The following ABHD6 variants were observed in gnomAD, a reference collection of about 807,000 sequenced individuals.
The protein encoded by ABHD6 is monoacylglycerol lipase ABHD6.
Under a neutral mutation model 38.8 loss-of-function variants are expected in ABHD6, and 33 were observed. That is an observed-to-expected ratio of 0.85 (90% CI 0.64 to 1.14). ABHD6 has a LOEUF of 1.14. ABHD6 is among the 50% of genes most tolerant of loss of function. The pLI is 0.00. For synonymous variants in ABHD6, 147 were observed against 161.6 expected (o/e 0.91, Z 0.69); for missense variants, 380 against 422.6 (o/e 0.90, Z 0.88).
chr3:58,274,729 AAGATT>A lies in ABHD6; in HGVS notation c.596_600del (p.Lys199ThrfsTer12). On this transcript the variant is annotated frameshift_variant, in exon 7 of 10. Transcript: ENST00000478253. LOFTEE classifies it high-confidence loss of function. Reference sequence around the variant, plus strand: ...ACTGCAGGGCTCTGCCGCCGTGGAGAAGATTCCCTTGATCCCGTCTACCCCAGAAG... The same window carrying A: ...ACTGCAGGGCTCTGCCGCCGTGGAGACCCTTGATCCCGTCTACCCCAGAAG... 6.2e-7 allele frequency: 1 copy of A among 1,614,204 alleles called. No individual in the cohort carries two copies. The highest frequency in any genetic ancestry group is 8.5e-7 in the Non-Finnish European group (1 of 1,180,038).
intron 7 of ABHD6, among the ~76,000 whole-genome samples, chr3:58,281,012 C>T (rs1271738452): frequency 6.6e-6 from 1 of 152,128 alleles, no homozygotes; most frequent in African/African-American, 2.4e-5. Flanking sequence ...GTCAATCAGC[C>T]CCTACTGGGA....
rs1277827269 is a variant in ABHD6 at position 58,293,262 on chromosome 3, T to G, written c.838-327T>G. On this transcript the variant is annotated intron_variant, in intron 9 of 9. Transcript: ENST00000478253. The surrounding 1 kb of genome is among the most constrained non-coding windows in gnomAD (Gnocchi z 4.4). ...TCTCCCGGGACTCAGGAACGAGGTC[T>G]TCCCTCGACCCTGCTCATCCCCTGT... 6.6e-6 allele frequency among the ~76,000 whole-genome samples: 1 copy of G among 152,174 alleles called. No individual in the cohort carries two copies. Among genetic ancestry groups the G allele is most frequent in the Admixed American group, 6.5e-5 (1 of 15,274 alleles).
chr3:58,283,165 C>G (rs1183029473), intron 7 of ABHD6, among the ~76,000 whole-genome samples: 2 of 152,192 alleles, frequency 1.3e-5, no homozygotes, highest in Non-Finnish European at 2.9e-5. Flanking sequence ...AGGAAACACC[C>G]AGAATCTGAT....
At chr3:58,292,256 G>A (rs1442563078) in intron 9 of ABHD6, among the ~76,000 whole-genome samples, 1 of 152,170 alleles carries the variant, frequency 6.6e-6, no homozygotes, top group East Asian at 1.9e-4. Flanking sequence ...AGAAAATCTT[G>A]GTTTTAATAA....
At chr3:58,280,051 C>A (rs1477852391) in intron 7 of ABHD6, among the ~76,000 whole-genome samples, 1 of 152,194 alleles carries the variant, frequency 6.6e-6, no homozygotes, top group Admixed American at 6.5e-5. Flanking sequence ...CTTGCTGAAT[C>A]TGACAATTAT....
chr3:58,283,524 T>C (rs570991377), intron 7 of ABHD6, among the ~76,000 whole-genome samples: 5 of 152,244 alleles, frequency 3.3e-5, no homozygotes, highest in East Asian at 1.9e-4. Flanking sequence ...ATTGGATGGA[T>C]TGATGGATGA....
chr3:58,257,245 C>G lies in ABHD6; in HGVS notation c.119+540C>G, dbSNP rs3821565. 1.1e-4 allele frequency among the ~76,000 whole-genome samples: 16 copies of G among 152,154 alleles called. No homozygotes were observed. In the East Asian group the frequency reaches 3.1e-3, roughly 29 times the overall value. ...GATAGCATCTTTCTCCACCCACATT[C>G]CCAAAGTCAGTGATTCTGTCTTCAA... On this transcript the variant is annotated intron_variant, in intron 3 of 9. Coordinates refer to ENST00000478253, the MANE Select transcript of ABHD6 (RefSeq NM_001320126.2). The surrounding 1 kb of genome is among the most constrained non-coding windows in gnomAD (Gnocchi z 4.8).
Position 58,269,474 on chromosome 3 carries a change from C to T in ABHD6, c.390+40C>T, listed in dbSNP as rs1221209743. 2 of 1,487,244 alleles carry T rather than the reference C, an allele frequency of 1.3e-6. No homozygotes were observed. Among genetic ancestry groups the T allele is most frequent in the Non-Finnish European group, 1.9e-6 (2 of 1,069,234 alleles). 92.1% of individuals were successfully genotyped at this position (1,487,244 alleles called of 1,614,324 possible). A position where few individuals can be genotyped will look rare whatever the true frequency, so the allele number is the denominator to read the frequency against. The stretch of plus-strand genomic sequence containing the variant: ...CTACCAAAGATTGCCCAGACTGTCT[C>T]AGCCACCATTACATGTCTGAGTCTG... On this transcript the variant is annotated intron_variant, in intron 5 of 9. Coordinates refer to ENST00000478253, the MANE Select transcript of ABHD6 (RefSeq NM_001320126.2). The surrounding 1 kb of genome is among the most constrained non-coding windows in gnomAD (Gnocchi z 4.4).
At chr3:58,249,628 A>G (rs556837977) in intron 1 of ABHD6, among the ~76,000 whole-genome samples, 9 of 152,294 alleles carry the variant, frequency 5.9e-5, no homozygotes, top group South Asian at 2.1e-4. Context: ...ACCTCTGTCA[A>G]TTCTTCCTAG....
chr3:58,264,644 T>C (rs1249647817), intron 3 of ABHD6, among the ~76,000 whole-genome samples: 2 of 152,088 alleles, frequency 1.3e-5, no homozygotes, highest in East Asian at 3.9e-4. Flanking sequence ...TGAACCGTGA[T>C]TGTGTCACTG....
intron 9 of ABHD6, among the ~76,000 whole-genome samples, chr3:58,288,385 A>G (rs1041952025): frequency 2.0e-5 from 3 of 152,204 alleles, no homozygotes; most frequent in African/African-American, 7.2e-5. Flanking sequence ...ACACCCAAAC[A>G]TGGCAGCCCT....
chr3:58,264,702 C>T (rs958703803), intron 3 of ABHD6, among the ~76,000 whole-genome samples: 1 of 151,872 alleles, frequency 6.6e-6, no homozygotes, highest in Non-Finnish European at 1.5e-5. Context: ...ACAAAAAACC[C>T]CACCACTTTT....
At chr3:58,288,602 A>G (rs1254783375) in intron 9 of ABHD6, among the ~76,000 whole-genome samples, 1 of 81,364 alleles carries the variant, frequency 1.2e-5, no homozygotes, top group Non-Finnish European at 2.2e-5. Context: ...CAACTAGTGA[A>G]GGGATAAACC....
rs2097420446 is a variant in ABHD6 at position 58,238,245 on chromosome 3, A to T, written c.-91+329A>T. On this transcript the variant is annotated intron_variant, in intron 1 of 9. Transcript: ENST00000478253. This position sits in a 1 kb window ranked among gnomAD's most constrained non-coding sequence, Gnocchi z 6.9. The stretch of plus-strand genomic sequence containing the variant: ...ACCCCCTGCGCCCGCAGCAGCCCTT[A>T]GGCGCCCCTCGCAGTGCCGAGAGGA... 1 of 151,946 alleles carries T rather than the reference A, an allele frequency of 6.6e-6. No homozygotes were observed. The highest frequency in any genetic ancestry group is 6.6e-5 in the Admixed American group (1 of 15,242). The allele number at this position is 151,946 out of a possible 1,614,324, so 9.4% of individuals were successfully genotyped here.
intron 7 of ABHD6, among the ~76,000 whole-genome samples, chr3:58,276,196 C>T (rs1575527165): frequency 1.3e-5 from 2 of 152,216 alleles, no homozygotes; most frequent in Non-Finnish European, 2.9e-5. Context: ...GCCACACTGT[C>T]TTCCACAATG....
Position 58,285,303 on chromosome 3 carries a change from C to T in ABHD6, c.737-50C>T, listed in dbSNP as rs1035601402. 1 of 1,587,624 alleles carries T rather than the reference C, an allele frequency of 6.3e-7. No individual in the cohort carries two copies. Among genetic ancestry groups the T allele is most frequent in the Non-Finnish European group, 8.6e-7 (1 of 1,156,208 alleles). ...ACTATCCCTTGATTCTGCGGTGGTG[C>T]CACAGGCACAGTCCAGCACATACTC... On this transcript the variant is annotated intron_variant, in intron 8 of 9. Coordinates refer to ENST00000478253, the MANE Select transcript of ABHD6 (RefSeq NM_001320126.2). The surrounding 1 kb of genome is among the most constrained non-coding windows in gnomAD (Gnocchi z 4.9).
chr3:58,278,938 T>C (rs1171532915), intron 7 of ABHD6, among the ~76,000 whole-genome samples: 1 of 152,246 alleles, frequency 6.6e-6, no homozygotes, highest in Non-Finnish European at 1.5e-5. Flanking sequence ...TCCTGAGCTC[T>C]AATTTGATCG....
At chr3:58,288,069 C>T (rs1035488067) in intron 9 of ABHD6, among the ~76,000 whole-genome samples, 1 of 152,202 alleles carries the variant, frequency 6.6e-6, no homozygotes, top group African/African-American at 2.4e-5. Context: ...GCCTAACATT[C>T]TATGGGCTTG....
chr3:58,240,731 A>ATT (rs34994874), intron 1 of ABHD6, among the ~76,000 whole-genome samples: 5,804 of 134,338 alleles, frequency 0.043, 182 homozygotes, highest in South Asian at 0.047. Flanking sequence ...AACCTGGGTA[A>ATT]TTTTTTTTTT....
Sources: gnomAD v4.1 joint callset for allele counts (sites outside exome capture counted in the v4.1 genomes callset) on GRCh38, gnomAD v4.1.1 for gene constraint, Gnocchi (gnomAD v3.1) non-coding constraint, MANE v1.5 for transcripts, NCBI Gene and HGNC (gene_info 2026-07-23, HGNC 2026-07-21) for gene names.